The following AGBL4 variants were observed in gnomAD, a reference collection of about 807,000 sequenced individuals.
AGBL4 encodes the protein AGBL carboxypeptidase 4.
AGBL4 carries 58 observed loss-of-function variants against 66.4 expected under a neutral mutation model. The observed-to-expected ratio is 0.87, with a 90% confidence interval of 0.71 to 1.09. AGBL4 has a LOEUF of 1.09. Ranked by LOEUF, AGBL4 falls within the 50% of genes least tolerant of loss-of-function variation. The probability of loss-of-function intolerance (pLI) is 0.00; values close to 1 mark genes in which losing one functional copy is unlikely to be tolerated. For synonymous variants in AGBL4, 234 were observed against 222.9 expected (o/e 1.05, Z -0.44); for missense variants, 579 against 631.0 (o/e 0.92, Z 0.88).
chr1:49,939,767 T>A (rs955726994), intron 1 of AGBL4, among the ~76,000 whole-genome samples: 3 of 152,116 alleles, frequency 2.0e-5, no homozygotes, highest in African/African-American at 4.8e-5. Flanking sequence ...AACCTAGGCA[T>A]TACCATTCAG....
chr1:48,581,292 A>G (rs1273812263), intron 11 of AGBL4, among the ~76,000 whole-genome samples: 1 of 152,092 alleles, frequency 6.6e-6, no homozygotes, highest in Non-Finnish European at 1.5e-5. Context: ...AACCCAATTA[A>G]CTGAATTTGA....
intron 1 of AGBL4, among the ~76,000 whole-genome samples, chr1:49,984,458 G>A (rs755044451): frequency 4.6e-5 from 7 of 152,162 alleles, no homozygotes; most frequent in African/African-American, 1.2e-4. Context: ...TGTAACATAC[G>A]TGTTTGTTCA....
chr1:49,261,963 T>C (rs1306094366), intron 3 of AGBL4, among the ~76,000 whole-genome samples: 4 of 150,500 alleles, frequency 2.7e-5, no homozygotes, highest in African/African-American at 4.9e-5. Flanking sequence ...AAAACAGAGA[T>C]ATAGATCAAT....
intron 6 of AGBL4, among the ~76,000 whole-genome samples, chr1:48,764,802 T>A (rs1644450790): frequency 6.6e-6 from 1 of 152,212 alleles, no homozygotes; most frequent in South Asian, 2.1e-4. Flanking sequence ...TCAGTAAATG[T>A]TCCTTGAAAA....
chr1:48,648,012 G>A (rs1436648560), intron 8 of AGBL4, among the ~76,000 whole-genome samples: 3 of 152,118 alleles, frequency 2.0e-5, no homozygotes, highest in African/African-American at 7.2e-5. Flanking sequence ...TATTCCCATT[G>A]TATTGTCAGT....
chr1:49,771,963 A>C (rs1644071764), intron 2 of AGBL4, among the ~76,000 whole-genome samples: 2 of 152,040 alleles, frequency 1.3e-5, no homozygotes, highest in African/African-American at 2.4e-5. Context: ...AATTTATTCA[A>C]TTTATATTCA....
At chr1:49,824,331 A>ATT (rs1469457564) in intron 2 of AGBL4, among the ~76,000 whole-genome samples, 2 of 152,198 alleles carry the variant, frequency 1.3e-5, no homozygotes, top group African/African-American at 4.8e-5. Context: ...TTGGGCTGAC[A>ATT]CCTGGGTTAT....
chr1:49,221,790 G>T (rs533787610), intron 4 of AGBL4, among the ~76,000 whole-genome samples: 1 of 151,906 alleles, frequency 6.6e-6, no homozygotes, highest in Admixed American at 6.6e-5. Context: ...TTAAATTATT[G>T]TATATTGGAC....
chr1:49,565,831 A>G (rs1644184336), intron 3 of AGBL4, among the ~76,000 whole-genome samples: 1 of 151,918 alleles, frequency 6.6e-6, no homozygotes, highest in African/African-American at 2.4e-5. Flanking sequence ...GTATTTCCTG[A>G]ATTTGAATGT....
intron 4 of AGBL4, among the ~76,000 whole-genome samples, chr1:49,201,215 C>T (rs972324122): frequency 6.6e-6 from 1 of 152,160 alleles, no homozygotes; most frequent in African/African-American, 2.4e-5. Context: ...TCTGGAAGCA[C>T]TCTGGGCAAC....
chr1:49,785,838 AC>A, intron 2 of AGBL4, among the ~76,000 whole-genome samples: 1 of 150,184 alleles, frequency 6.7e-6, no homozygotes, highest in Admixed American at 6.6e-5. Context: ...TCTCAGAATC[AC>A]CAAAAATCAA....
intron 6 of AGBL4, among the ~76,000 whole-genome samples, chr1:48,733,501 T>TA (rs553889854): frequency 1.6e-3 from 244 of 152,150 alleles, no homozygotes; most frequent in African/African-American, 5.1e-3. Context: ...TTGGAAAAAG[T>TA]AAAAAAATTT....
intron 6 of AGBL4, among the ~76,000 whole-genome samples, chr1:48,731,303 A>G (rs1648087574): frequency 6.6e-6 from 1 of 152,198 alleles, no homozygotes; most frequent in Non-Finnish European, 1.5e-5. Flanking sequence ...ATATTTCAGT[A>G]ATACAAGAAA....
intron 4 of AGBL4, among the ~76,000 whole-genome samples, chr1:49,134,190 C>G (rs1645958956): frequency 6.6e-6 from 1 of 151,930 alleles, no homozygotes; most frequent in Non-Finnish European, 1.5e-5. Context: ...AGAGATCACA[C>G]ATTTCAAGGG....
chr1:48,715,545 C>T (rs535448578), intron 6 of AGBL4, among the ~76,000 whole-genome samples: 14 of 152,288 alleles, frequency 9.2e-5, no homozygotes, highest in Non-Finnish European at 1.9e-4. Context: ...AGTGCAGCAC[C>T]TAGCCCAGAA....
At chr1:49,507,865 T>C (rs1219139616) in intron 3 of AGBL4, among the ~76,000 whole-genome samples, 2 of 151,770 alleles carry the variant, frequency 1.3e-5, no homozygotes, top group African/African-American at 4.8e-5. Context: ...GTCCTACCAC[T>C]CTGAAACTTA....
intron 2 of AGBL4, among the ~76,000 whole-genome samples, chr1:49,745,754 G>C (rs1650935124): frequency 6.6e-6 from 1 of 151,790 alleles, no homozygotes; most frequent in African/African-American, 2.4e-5. Flanking sequence ...CACAAAAACT[G>C]TCAGAACTGA....
chr1:49,274,378 T>C (rs1322028788), intron 3 of AGBL4, among the ~76,000 whole-genome samples: 1 of 152,164 alleles, frequency 6.6e-6, no homozygotes, highest in Non-Finnish European at 1.5e-5. Context: ...TTTAACTTTT[T>C]TTGAGTTGTA....
At chr1:49,096,673 A>T (rs190032028) in intron 4 of AGBL4, among the ~76,000 whole-genome samples, 1 of 114,604 alleles carries the variant, frequency 8.7e-6, no homozygotes, top group Admixed American at 1.3e-4. Flanking sequence ...GGAACATCAC[A>T]CACTGGGGCC....
Sources: allele counts gnomAD v4.1 joint callset (sites outside exome capture counted in the v4.1 genomes callset), GRCh38; gene constraint gnomAD v4.1.1; transcripts MANE v1.5; gene names NCBI Gene and HGNC (gene_info 2026-07-23, HGNC 2026-07-21).